RNF13: variants seen among roughly 807,000 people sequenced by gnomAD.
RNF13 encodes the protein E3 ubiquitin-protein ligase RNF13.
A neutral mutation model predicts 37.7 loss-of-function variants in RNF13; 19 were observed. That is an observed-to-expected ratio of 0.50 (90% CI 0.35 to 0.74). The LOEUF is 0.74. RNF13 is among the 30% of genes least tolerant of loss of function. The probability of loss-of-function intolerance (pLI) is 0.01; values close to 1 mark genes in which losing one functional copy is unlikely to be tolerated. For missense variants in RNF13, 375 were observed against 453.0 expected, an observed-to-expected ratio of 0.83 and a Z score of 1.56; for synonymous variants, 144 against 157.8, an observed-to-expected ratio of 0.91 and a Z score of 0.65.
chr3:149,848,828 G>A (rs1252233880), intron 2 of RNF13, among the ~76,000 whole-genome samples: 4 of 152,112 alleles, frequency 2.6e-5, no homozygotes, highest in African/African-American at 7.2e-5. Flanking sequence ...AGGCTATGGA[G>A]ATGCTACTGT....
intron 3 of RNF13, among the ~76,000 whole-genome samples, chr3:149,867,376 CT>C (rs2108431701): frequency 6.6e-6 from 1 of 151,990 alleles, no homozygotes; most frequent in South Asian, 2.1e-4. Context: ...CACCATTCTC[CT>C]GCCTCAGCCT....
chr3:149,857,188 GTATAA>G (rs1163973943), intron 3 of RNF13, among the ~76,000 whole-genome samples: 1 of 152,138 alleles, frequency 6.6e-6, no homozygotes, highest in Admixed American at 6.5e-5. Flanking sequence ...GATATTTATA[GTATAA>G]TATATCAGTT....
At chr3:149,839,328 AC>A (rs1421694775) in intron 1 of RNF13, among the ~76,000 whole-genome samples, 28 of 61,518 alleles carry the variant, frequency 4.6e-4, no homozygotes, top group African/African-American at 1.8e-3. Context: ...TCCCTTTTAA[AC>A]TAAGTTTTCT....
chr3:149,896,323 A>G (rs1359265060), intron 5 of RNF13, among the ~76,000 whole-genome samples: 3 of 152,232 alleles, frequency 2.0e-5, no homozygotes, highest in Non-Finnish European at 2.9e-5. Context: ...AGAGCAAAGT[A>G]TAGACATAAA....
At chr3:149,869,879 C>T (rs1200898365) in intron 3 of RNF13, among the ~76,000 whole-genome samples, 1 of 151,786 alleles carries the variant, frequency 6.6e-6, no homozygotes, top group Non-Finnish European at 1.5e-5. Context: ...TTCACCTTGG[C>T]TCTAGTAAAT....
chr3:149,944,056 G>A (rs528370885), intron 8 of RNF13, among the ~76,000 whole-genome samples: 1 of 151,866 alleles, frequency 6.6e-6, no homozygotes, highest in Admixed American at 6.6e-5. Flanking sequence ...GTGAGAAGAT[G>A]TGGTGTTTGG....
At chr3:149,931,084 G>A (rs1719118179) in intron 8 of RNF13, among the ~76,000 whole-genome samples, 1 of 151,804 alleles carries the variant, frequency 6.6e-6, no homozygotes, top group East Asian at 1.9e-4. Context: ...TTTCTGGGGG[G>A]ACAAGGTCTC....
chr3:149,945,214 C>T (rs1720649724), intron 8 of RNF13, among the ~76,000 whole-genome samples: 1 of 152,152 alleles, frequency 6.6e-6, no homozygotes, highest in Non-Finnish European at 1.5e-5. Flanking sequence ...TTACTGTAGC[C>T]TTGTAGTATA....
At chr3:149,922,226 C>T (rs991782102) in intron 8 of RNF13, among the ~76,000 whole-genome samples, 3 of 152,182 alleles carry the variant, frequency 2.0e-5, no homozygotes, top group Admixed American at 2.0e-4. Context: ...TCCACCTCGG[C>T]CTCCCAGAGT....
chr3:149,913,761 C>T (rs78367779), intron 7 of RNF13, among the ~76,000 whole-genome samples: 1 of 152,232 alleles, frequency 6.6e-6, no homozygotes, highest in African/African-American at 2.4e-5. Context: ...ACGTGAAGTG[C>T]CCTTCTCATC....
At chr3:149,897,744 A>T (rs11709754) in intron 5 of RNF13, among the ~76,000 whole-genome samples, 21,097 of 152,212 alleles carry the variant, frequency 0.14, 1,901 homozygotes, top group Middle Eastern at 0.24. Context: ...GCATAGATTT[A>T]TCAGAAGAGG....
At chr3:149,920,203 T>C (rs1244393250) in intron 7 of RNF13, among the ~76,000 whole-genome samples, 1 of 152,152 alleles carries the variant, frequency 6.6e-6, no homozygotes, top group African/African-American at 2.4e-5. Flanking sequence ...CTCATCTGTA[T>C]TTTTCATTTT....
chr3:149,834,620 A>G (rs1721404203), intron 1 of RNF13, among the ~76,000 whole-genome samples: 2 of 152,218 alleles, frequency 1.3e-5, no homozygotes, highest in Admixed American at 6.5e-5. Flanking sequence ...CATGGGAATG[A>G]CTGAAATTTC....
chr3:149,840,483 A>C (rs1722067032), intron 1 of RNF13, among the ~76,000 whole-genome samples: 1 of 152,212 alleles, frequency 6.6e-6, no homozygotes, highest in Non-Finnish European at 1.5e-5. Context: ...TGTTATCAGC[A>C]AGATTTTACT....
In RNF13 at chr3:149,867,784, A is replaced by G. The variant is rs111952513; in HGVS notation, c.196-4245A>G. On this transcript the variant is annotated intron_variant, in intron 3 of 9. Coordinates refer to ENST00000392894, the MANE Select transcript of RNF13 (RefSeq NM_183381.3). ...TGGAGAATGGATTCCATTTACATTT[A>G]GTGTTATTGATGAGTTAGGACTTTT... is the stretch of plus-strand genomic sequence containing the variant. Among the ~76,000 whole-genome samples the G allele has an allele frequency of 1.1e-3, 162 of 151,822 alleles. 1 individual carries two copies. Among genetic ancestry groups the G allele is most frequent in the African/African-American group, 3.7e-3 (154 of 41,518 alleles).
intron 3 of RNF13, among the ~76,000 whole-genome samples, chr3:149,868,120 T>C (rs1711559933): frequency 6.6e-6 from 1 of 151,890 alleles, no homozygotes; most frequent in African/African-American, 2.4e-5. Context: ...CATATTTTTA[T>C]ATTACCTATC....
At position 149,952,633 on chromosome 3, in the gene RNF13, CTT is replaced by C. The variant is rs778173226; in HGVS notation, c.701-7422_701-7421del. Among the ~76,000 whole-genome samples, 4 of 151,688 alleles carry C rather than the reference CTT, an allele frequency of 2.6e-5. No individual in the cohort carries two copies. In the East Asian group the frequency reaches 5.8e-4, roughly 22 times the overall value. On this transcript the variant is annotated intron_variant, in intron 8 of 9. Coordinates refer to ENST00000392894, the MANE Select transcript of RNF13 (RefSeq NM_183381.3). ...TTTTTTTTTGAGATGGAGTTTCGCT[CTT>C]GTCGCCCAGGCTGGCGTGCAATAGT...
At chr3:149,872,301 G>A (rs1440331769) in intron 4 of RNF13, 147 bp downstream of exon 4, 1 of 606,826 alleles carries the variant, frequency 1.6e-6, no homozygotes, top group African/African-American at 1.9e-5. Flanking sequence ...TAGAAATAAT[G>A]TTTACTGGTT....
intron 6 of RNF13, among the ~76,000 whole-genome samples, chr3:149,911,024 A>T (rs1010009078): frequency 2.6e-5 from 4 of 152,188 alleles, no homozygotes; most frequent in African/African-American, 9.7e-5. Flanking sequence ...CTTACAACAT[A>T]CACATTTCTG....
Sources: gnomAD v4.1 joint callset for allele counts (sites outside exome capture counted in the v4.1 genomes callset) on GRCh38, gnomAD v4.1.1 for gene constraint, MANE v1.5 for transcripts, NCBI Gene and HGNC (gene_info 2026-07-23, HGNC 2026-07-21) for gene names.